KDM6A: variants seen among roughly 807,000 people sequenced by gnomAD.
The protein encoded by KDM6A is lysine demethylase 6A, also known as lysine-specific demethylase 6A.
KDM6A carries 11 observed loss-of-function variants against 117.6 expected under a neutral mutation model. The ratio of observed to expected loss-of-function variants is 0.09; its 90% confidence interval spans 0.06 to 0.15. The LOEUF (loss-of-function observed/expected upper bound fraction) is 0.15, where lower values mean the gene tolerates loss of function less well. Ranked by LOEUF, KDM6A falls within the 10% of genes least tolerant of loss-of-function variation. The probability of loss-of-function intolerance (pLI) is 1.00; values close to 1 mark genes in which losing one functional copy is unlikely to be tolerated. For missense variants in KDM6A, 799 were observed against 1,077.3 expected, an observed-to-expected ratio of 0.74 and a Z score of 3.62; for synonymous variants, 384 against 396.1, an observed-to-expected ratio of 0.97 and a Z score of 0.36.
At chrX:44,899,212 TGTGTGTGTATGC>T (rs2034149760) in intron 2 of KDM6A, among the ~76,000 whole-genome samples, 1 of 72,245 alleles carries the variant, frequency 1.4e-5, no homozygotes. Context: ...GAAGGGAGGG[TGTGTGTGTATGC>T]GTGTGTGTGT....
chrX:45,069,633 C>T lies in KDM6A; in HGVS notation c.2134C>T (p.Leu712Phe), dbSNP rs748170230. 1 of 1,210,823 alleles carries T rather than the reference C, an allele frequency of 8.3e-7. No individual in the cohort carries two copies. The highest frequency in any genetic ancestry group is 2.2e-5 in the Admixed American group (1 of 45,966). ...HSAGPNGERP[L>F]SSTGPSQHLQ... ...GGCAGGTCCTAATGGTGAACGACCT[C>T]TCTCTTCCACTGGGCCTTCCCAGCA... Residue 712 changes from leucine (L) to phenylalanine (F), a missense_variant, in exon 18 of 30, where the codon CTC becomes TTC. By Grantham distance (22) the Leu-to-Phe change is conservative. Around this residue, in one of 8 missense-constraint regions of KDM6A, gnomAD observed 301 missense variants for 318.3 expected, o/e 0.95. Coordinates refer to ENST00000611820, the MANE Select transcript of KDM6A (RefSeq NM_001291415.2).
At chrX:44,924,699 T>G (rs866591686) in intron 2 of KDM6A, among the ~76,000 whole-genome samples, 5 of 103,785 alleles carry the variant, frequency 4.8e-5, no homozygotes, top group African/African-American at 1.4e-4. Flanking sequence ...GTCTATGTAT[T>G]TATTTATTTA....
intron 2 of KDM6A, among the ~76,000 whole-genome samples, chrX:44,920,804 T>A (rs113571663): frequency 0.039 from 4,306 of 110,332 alleles, 78 homozygotes; most frequent in Middle Eastern, 0.075. Context: ...TATAGTTAGG[T>A]CTTGCTTTCA....
chrX:45,001,577 G>A (rs1030072610), intron 4 of KDM6A, among the ~76,000 whole-genome samples: 2 of 111,546 alleles, frequency 1.8e-5, no homozygotes, highest in African/African-American at 6.5e-5. Context: ...TCTTTGACTT[G>A]GCAAGCACCC....
intron 2 of KDM6A, among the ~76,000 whole-genome samples, chrX:44,901,852 C>T (rs12846844): frequency 0.016 from 1,815 of 112,358 alleles, 20 homozygotes; most frequent in Non-Finnish European, 0.026. Context: ...ATATGTTTTA[C>T]ATCCTTTTAG....
chrX:45,105,017 G>A (rs1052490097), intron 27 of KDM6A, among the ~76,000 whole-genome samples: 4 of 111,650 alleles, frequency 3.6e-5, no homozygotes, highest in Non-Finnish European at 7.5e-5. Context: ...CATTGAAGAT[G>A]AAAATTTATC....
chrX:45,064,018 T>C (rs2044420576), intron 17 of KDM6A, among the ~76,000 whole-genome samples: 1 of 111,929 alleles, frequency 8.9e-6, no homozygotes. Context: ...TCTACCGACA[T>C]AGATAACTTA....
At chrX:45,007,629 G>A (rs895194893) in intron 4 of KDM6A, among the ~76,000 whole-genome samples, 2 of 111,898 alleles carry the variant, frequency 1.8e-5, no homozygotes, top group African/African-American at 6.5e-5. Flanking sequence ...AAATCTTTGG[G>A]CATCTACTCT....
chrX:45,080,793 T>C (rs1200140187), intron 21 of KDM6A, among the ~76,000 whole-genome samples: 1 of 112,411 alleles, frequency 8.9e-6, no homozygotes, highest in Non-Finnish European at 1.9e-5. Flanking sequence ...CCTGGTAATA[T>C]TATAGTCAGA....
chrX:45,048,173 A>G (rs891841363), intron 8 of KDM6A, among the ~76,000 whole-genome samples: 3 of 108,163 alleles, frequency 2.8e-5, no homozygotes, highest in Non-Finnish European at 5.7e-5. Context: ...AAAAAAAAAA[A>G]AAAAAAACTA....
rs187626467 is a variant in KDM6A at position 44,884,688 on chromosome X, G to A, written c.225+10701G>A. On this transcript the variant is annotated intron_variant, in intron 2 of 29. Transcript: ENST00000611820. ...AGGCTGTGGTTTAGGAATGGGGTGA[G>A]ATGGAGGCAGACTTAAGAGCTCTTG... Among the ~76,000 whole-genome samples the A allele has an allele frequency of 2.7e-5, 3 of 111,609 alleles. No individual in the cohort carries two copies. In the East Asian group the frequency reaches 8.4e-4, roughly 31 times the overall value.
At chrX:44,989,087 T>C (rs1296968539) in intron 4 of KDM6A, among the ~76,000 whole-genome samples, 3 of 107,273 alleles carry the variant, frequency 2.8e-5, no homozygotes, top group African/African-American at 1.0e-4. Context: ...TTTGTTTACC[T>C]ACTCAAGCCT....
chrX:45,044,952 T>C (rs1391631452), intron 8 of KDM6A, among the ~76,000 whole-genome samples: 3 of 111,800 alleles, frequency 2.7e-5, no homozygotes, highest in African/African-American at 9.8e-5. Flanking sequence ...GCTATAATAC[T>C]TATCTATATT....
chrX:45,087,803 G>A (rs1000868001), intron 25 of KDM6A, among the ~76,000 whole-genome samples: 6 of 111,462 alleles, frequency 5.4e-5, no homozygotes, highest in Admixed American at 3.8e-4. Context: ...AAGCTTGAGC[G>A]TAGGGATAAT....
intron 4 of KDM6A, among the ~76,000 whole-genome samples, chrX:44,983,008 A>G (rs2039989744): frequency 8.9e-6 from 1 of 112,337 alleles, no homozygotes; most frequent in African/African-American, 3.2e-5. Context: ...TAATATTTCA[A>G]CAAGTTTATT....
At chrX:44,981,658 G>T (rs1373244004) in intron 4 of KDM6A, among the ~76,000 whole-genome samples, 1 of 111,701 alleles carries the variant, frequency 9.0e-6, no homozygotes, top group African/African-American at 3.3e-5. Flanking sequence ...ATCATGCTTT[G>T]CTCTTTGCTG....
chrX:44,989,073 T>A (rs1226686772), intron 4 of KDM6A, among the ~76,000 whole-genome samples: 4 of 107,498 alleles, frequency 3.7e-5, no homozygotes, highest in Non-Finnish European at 7.7e-5. Context: ...AGCTTCCAGG[T>A]GGCTTTGTTT....
chrX:44,877,659 G>A (rs1418672356), intron 2 of KDM6A, among the ~76,000 whole-genome samples: 3 of 109,406 alleles, frequency 2.7e-5, no homozygotes, highest in African/African-American at 1.0e-4. Context: ...ATAATGCTAG[G>A]GGACTGGGGA....
At chrX:44,927,566 C>T (rs1449676632) in intron 2 of KDM6A, among the ~76,000 whole-genome samples, 1 of 110,254 alleles carries the variant, frequency 9.1e-6, no homozygotes, top group Non-Finnish European at 1.9e-5. Context: ...GAGAGGCCTC[C>T]AGCTGTCTAC....
Sources: allele counts gnomAD v4.1 joint callset (sites outside exome capture counted in the v4.1 genomes callset), GRCh38; gene constraint gnomAD v4.1.1; regional missense constraint gnomAD v4.1.1; transcripts MANE v1.5; gene names NCBI Gene and HGNC (gene_info 2026-07-23, HGNC 2026-07-21).